LRRC7: variants seen among roughly 807,000 people sequenced by gnomAD.
LRRC7 encodes leucine rich repeat containing 7, also known as leucine-rich repeat-containing protein 7.
LRRC7 carries 23 observed loss-of-function variants against 175.7 expected under a neutral mutation model. The ratio of observed to expected loss-of-function variants is 0.13; its 90% CI spans 0.09 to 0.19. The LOEUF is 0.19. LRRC7 is among the 10% of genes least tolerant of loss of function. LRRC7 has a pLI of 1.00. For missense variants in LRRC7, 1,354 were observed against 1,904.7 expected (o/e 0.71, Z 5.38); for synonymous variants, 685 against 680.9 (o/e 1.01, Z -0.09).
chr1:69,880,697 G>A (rs954861584), intron 7 of LRRC7, among the ~76,000 whole-genome samples: 2 of 152,106 alleles, frequency 1.3e-5, no homozygotes, highest in African/African-American at 4.8e-5. Context: ...ACAAAATTGG[G>A]AGACATTTTT....
At chr1:69,813,325 C>CA (rs1678183265) in intron 4 of LRRC7, among the ~76,000 whole-genome samples, 1 of 152,068 alleles carries the variant, frequency 6.6e-6, no homozygotes, top group Admixed American at 6.6e-5. Context: ...AAGGAACTAG[C>CA]AAAAAGACTC....
At chr1:70,049,970 A>G (rs1660629137) in intron 22 of LRRC7, among the ~76,000 whole-genome samples, 1 of 152,018 alleles carries the variant, frequency 6.6e-6, no homozygotes, top group Non-Finnish European at 1.5e-5. Context: ...CAAATTGCCA[A>G]ATTCTAATAC....
chr1:70,120,599 G>A (rs1011272043), intron 26 of LRRC7, among the ~76,000 whole-genome samples: 1 of 152,008 alleles, frequency 6.6e-6, no homozygotes, highest in African/African-American at 2.4e-5. Flanking sequence ...TAATTATTAA[G>A]TGATTGGTTA....
chr1:70,056,528 A>C (rs1265557626), intron 23 of LRRC7, among the ~76,000 whole-genome samples: 3 of 152,086 alleles, frequency 2.0e-5, no homozygotes, highest in Non-Finnish European at 4.4e-5. Flanking sequence ...CTATCCTAAA[A>C]CTGGTTTCTC....
intron 8 of LRRC7, among the ~76,000 whole-genome samples, chr1:69,967,831 A>G (rs1012171872): frequency 6.6e-6 from 1 of 152,164 alleles, no homozygotes; most frequent in Admixed American, 6.5e-5. Context: ...TTTCCCTTCA[A>G]CAGAGCCTAC....
At chr1:69,881,894 A>G (rs542271152) in intron 7 of LRRC7, among the ~76,000 whole-genome samples, 1 of 151,620 alleles carries the variant, frequency 6.6e-6, no homozygotes, top group Non-Finnish European at 1.5e-5. Context: ...TTAAAAAAAA[A>G]AAAAAAAGAA....
At chr1:69,824,697 G>C (rs1679694921) in intron 4 of LRRC7, among the ~76,000 whole-genome samples, 1 of 152,000 alleles carries the variant, frequency 6.6e-6, no homozygotes, top group Non-Finnish European at 1.5e-5. Flanking sequence ...AATCTAAAAA[G>C]GTGGAATATT....
intron 22 of LRRC7, among the ~76,000 whole-genome samples, chr1:70,051,177 T>A (rs1289036679): frequency 6.6e-6 from 1 of 152,004 alleles, no homozygotes; most frequent in Non-Finnish European, 1.5e-5. Context: ...ACTGGAAACA[T>A]GTCTGGGTGG....
At chr1:69,977,892 C>T (rs775936082) in intron 8 of LRRC7, among the ~76,000 whole-genome samples, 2 of 152,150 alleles carry the variant, frequency 1.3e-5, no homozygotes, top group Non-Finnish European at 2.9e-5. Context: ...TAATCTAATC[C>T]ACCCTGAATA....
chr1:69,597,964 A>G (rs897516135), intron 1 of LRRC7, among the ~76,000 whole-genome samples: 1 of 152,224 alleles, frequency 6.6e-6, no homozygotes, highest in Non-Finnish European at 1.5e-5. Context: ...ACCTTTCAAA[A>G]TAATCGCTAG....
chr1:70,137,064 TATCTC>T lies in LRRC7; in HGVS notation c.*15179_*15183del, dbSNP rs1363215705. Among the ~76,000 whole-genome samples the T allele has an allele frequency of 2.6e-5, 4 of 152,176 alleles. No individual in the cohort carries two copies. Among genetic ancestry groups the T allele is most frequent in the African/African-American group, 7.2e-5 (3 of 41,428 alleles). On this transcript the variant is annotated 3_prime_UTR_variant, in exon 27 of 27. Coordinates refer to ENST00000651989, the MANE Select transcript of LRRC7 (RefSeq NM_001370785.2). ...ATATGACCCAAGGAACGTTTTCTGT[TATCTC>T]AGGAAGGAAAGTTCTTGTCCCTTGT...
At chr1:69,782,938 G>A (rs905890701) in intron 3 of LRRC7, among the ~76,000 whole-genome samples, 7 of 152,134 alleles carry the variant, frequency 4.6e-5, no homozygotes, top group Admixed American at 2.0e-4. Context: ...TCTGGAGATA[G>A]CAACTAAAAG....
rs1667126681 is a variant in LRRC7, at chr1:70,142,964, C to T, written c.*21077C>T. 6.6e-6 allele frequency: 1 copy of T among 151,758 alleles called. No homozygotes were observed. Among genetic ancestry groups the T allele is most frequent in the Non-Finnish European group, 1.5e-5 (1 of 67,912 alleles). 9.4% of individuals were successfully genotyped at this position (151,758 alleles called of 1,614,324 possible). Reference sequence around the variant, plus strand: ...CGATTTCATAATTGATTACTTTTGACCTCAGTTATTTTGGGGCATAATCCT... The same window carrying T: ...CGATTTCATAATTGATTACTTTTGATCTCAGTTATTTTGGGGCATAATCCT... On this transcript the variant is annotated 3_prime_UTR_variant, in exon 27 of 27. Coordinates refer to ENST00000651989, the MANE Select transcript of LRRC7 (RefSeq NM_001370785.2).
chr1:69,728,580 G>T (rs919603134), intron 2 of LRRC7, among the ~76,000 whole-genome samples: 29 of 152,246 alleles, frequency 1.9e-4, no homozygotes, highest in African/African-American at 6.7e-4. Flanking sequence ...AAGAAAAAGG[G>T]ACTCCAAATC....
intron 2 of LRRC7, among the ~76,000 whole-genome samples, chr1:69,715,875 T>C (rs1665288302): frequency 6.6e-6 from 1 of 152,014 alleles, no homozygotes; most frequent in South Asian, 2.1e-4. Flanking sequence ...GCATTTTTGC[T>C]TATAGGTACC....
intron 8 of LRRC7, among the ~76,000 whole-genome samples, chr1:69,962,978 TTAAAA>T (rs1651269423): frequency 1.3e-5 from 2 of 151,788 alleles, no homozygotes; most frequent in South Asian, 2.1e-4. Flanking sequence ...TACCCCGAAC[TTAAAA>T]TAAAAGTTTT....
At chr1:70,011,409 C>G (rs1435858717) in intron 11 of LRRC7, among the ~76,000 whole-genome samples, 2 of 151,320 alleles carry the variant, frequency 1.3e-5, no homozygotes, top group Non-Finnish European at 2.9e-5. Flanking sequence ...TTTATTGTTT[C>G]TCCCAACTCA....
At chr1:69,755,821 C>A (rs1304765008) in intron 2 of LRRC7, among the ~76,000 whole-genome samples, 1 of 151,938 alleles carries the variant, frequency 6.6e-6, no homozygotes, top group Non-Finnish European at 1.5e-5. Flanking sequence ...TCCTGAATAT[C>A]TTTTGGCTTG....
At chr1:69,958,545 G>A (rs939245789) in intron 8 of LRRC7, among the ~76,000 whole-genome samples, 1 of 151,970 alleles carries the variant, frequency 6.6e-6, no homozygotes, top group African/African-American at 2.4e-5. Flanking sequence ...AGGCATGTTT[G>A]TGTGCTGCTG....
Sources: allele counts gnomAD v4.1 joint callset (sites outside exome capture counted in the v4.1 genomes callset), GRCh38; gene constraint gnomAD v4.1.1; transcripts MANE v1.5; gene names NCBI Gene and HGNC (gene_info 2026-07-23, HGNC 2026-07-21).